Variants in ATP2B1 observed in about 807,000 individuals in gnomAD.
The protein encoded by ATP2B1 is ATPase plasma membrane Ca2+ transporting 1.
ATP2B1 carries 14 observed loss-of-function variants against 124.2 expected under a neutral mutation model. The observed-to-expected ratio is 0.11, with a 90% confidence interval of 0.07 to 0.18. The LOEUF is 0.18. Ranked by LOEUF, ATP2B1 falls within the 10% of genes least tolerant of loss-of-function variation. The pLI, the probability that ATP2B1 is intolerant of heterozygous loss-of-function variation, is 1.00. For missense variants in ATP2B1, 763 were observed against 1,466.1 expected, an observed-to-expected ratio of 0.52 and a Z score of 7.83; for synonymous variants, 449 against 492.4, an observed-to-expected ratio of 0.91 and a Z score of 1.17.
At position 89,629,157 on chromosome 12, in the gene ATP2B1, G is replaced by A. The variant is rs1043835497; in HGVS notation, c.928+1348C>T. ...GTGAGGATGCAAACTTCCCTTCAGCGTTCAATGACTTTCAACTCTTGTGGA... is the reference window on the plus strand; with the variant it reads ...GTGAGGATGCAAACTTCCCTTCAGCATTCAATGACTTTCAACTCTTGTGGA... On this transcript the variant is annotated intron_variant, in intron 6 of 20. Transcript: ENST00000428670. Among the ~76,000 whole-genome samples, 15 of 152,202 alleles carry A rather than the reference G, an allele frequency of 9.9e-5. No homozygotes were observed. In the East Asian group the frequency reaches 1.2e-3, roughly 12 times the overall value.
intron 18 of ATP2B1, 105 bp downstream of exon 18, chr12:89,602,938 A>G: frequency 1.0e-6 from 1 of 970,682 alleles, no homozygotes; most frequent in Admixed American, 2.3e-5. Context: ...TCACCAAGGC[A>G]ACAGTTCCAC....
intron 3 of ATP2B1, among the ~76,000 whole-genome samples, chr12:89,638,839 C>T (rs1270369334): frequency 6.6e-6 from 1 of 152,108 alleles, no homozygotes; most frequent in Non-Finnish European, 1.5e-5. Context: ...CATATAGTTA[C>T]TTTTGTGGTG....
chr12:89,669,864 T>C (rs1887734308), intron 1 of ATP2B1, among the ~76,000 whole-genome samples: 1 of 152,200 alleles, frequency 6.6e-6, no homozygotes, highest in African/African-American at 2.4e-5. Context: ...TATATGAATG[T>C]GATGTCCTTA....
chr12:89,606,775 C>A (rs2135968421), intron 15 of ATP2B1, among the ~76,000 whole-genome samples: 1 of 151,938 alleles, frequency 6.6e-6, no homozygotes, highest in East Asian at 1.9e-4. Context: ...TTTAATATAC[C>A]ATGTTGGCGA....
Position 89,611,331 on chromosome 12 carries a change from A to G in ATP2B1, c.2109T>C (p.Thr703=), listed in dbSNP as rs923486833. Residue 703 remains threonine, a synonymous_variant, in exon 13 of 21, where the codon ACT becomes ACC. Coordinates refer to ENST00000428670, the MANE Select transcript of ATP2B1 (RefSeq NM_001366521.1). ...AIKKCQRAGI[T]VRMVTGDNIN... ...TATTATCACCAGTGACCATCCGCACAGTAATTCCAGCCCTCTGACACTTTT... is the reference window on the plus strand; with the variant it reads ...TATTATCACCAGTGACCATCCGCACGGTAATTCCAGCCCTCTGACACTTTT... The G allele has an allele frequency of 2.5e-6, 4 of 1,573,032 alleles. No individual in the cohort carries two copies.
chr12:89,667,840 T>G (rs552471165), intron 1 of ATP2B1, among the ~76,000 whole-genome samples: 1 of 152,324 alleles, frequency 6.6e-6, no homozygotes, highest in Non-Finnish European at 1.5e-5. Flanking sequence ...TCGGTGCTAT[T>G]CCTATCAAAC....
chr12:89,606,710 A>C (rs895181108), intron 15 of ATP2B1, among the ~76,000 whole-genome samples: 2 of 151,736 alleles, frequency 1.3e-5, no homozygotes, highest in Admixed American at 1.3e-4. Flanking sequence ...AGTAGCTAAG[A>C]TTACAGTCAC....
intron 1 of ATP2B1, among the ~76,000 whole-genome samples, chr12:89,698,324 C>T (rs6538200): frequency 0.93 from 141,512 of 152,264 alleles, 66,383 homozygotes; most frequent in Middle Eastern, 0.99. Context: ...ACAAGAACTA[C>T]TAATATACAC....
chr12:89,600,783 G>C (rs565829689), intron 19 of ATP2B1, among the ~76,000 whole-genome samples: 1 of 151,926 alleles, frequency 6.6e-6, no homozygotes, highest in East Asian at 1.9e-4. Context: ...CAAGTAGCTG[G>C]GATTACAGGC....
chr12:89,617,179 C>G, intron 11 of ATP2B1, 140 bp from the exon 12 acceptor site: 1 of 667,520 alleles, frequency 1.5e-6, no homozygotes, highest in Non-Finnish European at 2.5e-6. Flanking sequence ...TTTTTATAGA[C>G]TTAAATTCAC....
chr12:89,623,014 T>C (rs1880257296), intron 9 of ATP2B1, among the ~76,000 whole-genome samples: 1 of 152,166 alleles, frequency 6.6e-6, no homozygotes, highest in African/African-American at 2.4e-5. Flanking sequence ...CAAATTACTT[T>C]AAAATATCAA....
chr12:89,619,633 AAAGAAAG>A (rs1209144549), intron 11 of ATP2B1, among the ~76,000 whole-genome samples: 2 of 151,092 alleles, frequency 1.3e-5, no homozygotes, highest in African/African-American at 4.9e-5. Flanking sequence ...AAAAAAAAAA[AAAGAAAG>A]AAAGAAAGAC....
chr12:89,657,452 T>A (rs1436999410), intron 1 of ATP2B1, among the ~76,000 whole-genome samples: 1 of 152,222 alleles, frequency 6.6e-6, no homozygotes, highest in African/African-American at 2.4e-5. Flanking sequence ...TCTGGCTCCA[T>A]TTTACAGATT....
At chr12:89,682,712 T>C (rs1202456981) in intron 1 of ATP2B1, among the ~76,000 whole-genome samples, 1 of 152,086 alleles carries the variant, frequency 6.6e-6, no homozygotes, top group Non-Finnish European at 1.5e-5. Flanking sequence ...AAATTCCAAA[T>C]GGAACAAAGC....
chr12:89,677,568 T>C (rs1888762267), intron 1 of ATP2B1, among the ~76,000 whole-genome samples: 1 of 152,122 alleles, frequency 6.6e-6, no homozygotes, highest in Non-Finnish European at 1.5e-5. Flanking sequence ...TGCATCCTCC[T>C]CTACTACCTT....
intron 8 of ATP2B1, among the ~76,000 whole-genome samples, chr12:89,625,623 GA>G (rs971865803): frequency 7.3e-5 from 10 of 136,940 alleles, no homozygotes; most frequent in Non-Finnish European, 1.3e-4. Context: ...AAGAAAAAAA[GA>G]AAAAAAAAGG....
intron 1 of ATP2B1, among the ~76,000 whole-genome samples, chr12:89,668,358 A>G (rs1332689697): frequency 6.6e-6 from 1 of 152,208 alleles, no homozygotes; most frequent in Non-Finnish European, 1.5e-5. Flanking sequence ...TAAAATCCTC[A>G]AGCTCTCCTA....
chr12:89,628,523 G>A (rs900470030), intron 6 of ATP2B1, among the ~76,000 whole-genome samples: 3 of 151,560 alleles, frequency 2.0e-5, no homozygotes, highest in African/African-American at 7.3e-5. Context: ...ACTAGAATAC[G>A]AATGTATAGA....
In ATP2B1 at chr12:89,693,322, C is replaced by T. The variant is rs374757100; in HGVS notation, c.-222+15274G>A. Among the ~76,000 whole-genome samples the T allele has an allele frequency of 3.4e-4, 52 of 152,234 alleles. No individual in the cohort carries two copies. In the South Asian group the frequency reaches 6.2e-3, roughly 18 times the overall value. ...CACAGGAAGAACTCCTGCTATGATA[C>T]GAAGTAACCATTGTGACAGGAGGAA... On this transcript the variant is annotated intron_variant, in intron 1 of 20. Transcript: ENST00000428670.
Sources: allele counts gnomAD v4.1 joint callset (sites outside exome capture counted in the v4.1 genomes callset), GRCh38; gene constraint gnomAD v4.1.1; transcripts MANE v1.5; gene names NCBI Gene and HGNC (gene_info 2026-07-23, HGNC 2026-07-21).